The following PTER variants were observed in gnomAD, a reference collection of about 807,000 sequenced individuals.
PTER encodes the protein N-acetyltaurine hydrolase.
PTER carries 38 observed loss-of-function variants against 29.6 expected under a neutral mutation model. The observed-to-expected ratio is 1.28, with a 90% CI of 0.99 to 1.68. The LOEUF is 1.68. PTER is among the 40% of genes most tolerant of loss of function. The pLI is 0.00. For synonymous variants in PTER, 172 were observed against 154.5 expected, an observed-to-expected ratio of 1.11 and a Z score of -0.84; for missense variants, 482 against 427.8, an observed-to-expected ratio of 1.13 and a Z score of -1.12.
intron 3 of PTER, among the ~76,000 whole-genome samples, chr10:16,503,033 C>G (rs934629583): frequency 1.5e-5 from 2 of 131,496 alleles, no homozygotes; most frequent in African/African-American, 5.8e-5. Flanking sequence ...CTTCTGACCT[C>G]TTAGAAGTAG....
intron 1 of PTER, among the ~76,000 whole-genome samples, chr10:16,454,459 C>T (rs937296990): frequency 6.6e-6 from 1 of 151,782 alleles, no homozygotes; most frequent in African/African-American, 2.4e-5. Context: ...ACCTGTAATC[C>T]CAGATACTTA....
intron 1 of PTER, among the ~76,000 whole-genome samples, chr10:16,462,827 T>G (rs1834666578): frequency 6.7e-6 from 1 of 149,168 alleles, no homozygotes; most frequent in Admixed American, 6.7e-5. Flanking sequence ...CGCCTCAGCC[T>G]CCCAAAGTGC....
chr10:16,458,699 C>T (rs1469018038), intron 1 of PTER, among the ~76,000 whole-genome samples: 3 of 152,148 alleles, frequency 2.0e-5, no homozygotes, highest in Admixed American at 1.3e-4. Flanking sequence ...CCATTTGCAA[C>T]TCTGCCCTTT....
intron 1 of PTER, among the ~76,000 whole-genome samples, chr10:16,456,862 T>TGGCG (rs1554787512): frequency 1.8e-5 from 2 of 113,598 alleles, no homozygotes; most frequent in Middle Eastern, 4.8e-3. Flanking sequence ...ATGGGGAAGG[T>TGGCG]GGGGGGGGGT....
chr10:16,442,150 A>C (rs1833871367), intron 1 of PTER, among the ~76,000 whole-genome samples: 1 of 152,224 alleles, frequency 6.6e-6, no homozygotes, highest in Non-Finnish European at 1.5e-5. Flanking sequence ...TGCGACCACA[A>C]AATCCTTGGT....
At chr10:16,500,886 G>A (rs1253822654) in intron 3 of PTER, among the ~76,000 whole-genome samples, 3 of 151,822 alleles carry the variant, frequency 2.0e-5, no homozygotes, top group African/African-American at 4.8e-5. Flanking sequence ...GACCACAGGC[G>A]TGAGCCACCA....
intron 4 of PTER, among the ~76,000 whole-genome samples, chr10:16,509,184 A>G (rs1430945400): frequency 6.6e-6 from 1 of 152,140 alleles, no homozygotes; most frequent in Non-Finnish European, 1.5e-5. Flanking sequence ...CTGTTCTTCC[A>G]TATAATGGCA....
intron 3 of PTER, among the ~76,000 whole-genome samples, chr10:16,491,009 AT>A (rs924593671): frequency 8.4e-4 from 127 of 151,848 alleles, no homozygotes; most frequent in African/African-American, 1.3e-3. Flanking sequence ...ACACATATGT[AT>A]TTTTTTTCTG....
chr10:16,483,400 C>T (rs1350164037), intron 1 of PTER, among the ~76,000 whole-genome samples: 2 of 152,116 alleles, frequency 1.3e-5, no homozygotes, highest in African/African-American at 2.4e-5. Flanking sequence ...ATTATTCAAC[C>T]GAGTGTGCTC....
At position 16,473,258 on chromosome 10, in the gene PTER, C is replaced by T. The variant is rs373963747; in HGVS notation, c.-48-11079C>T. Among the ~76,000 whole-genome samples, 15 of 152,074 alleles carry T rather than the reference C, an allele frequency of 9.9e-5. No individual in the cohort carries two copies. In the East Asian group the frequency reaches 1.7e-3, roughly 18 times the overall value. ...TCTGCCCACCCCACCTCTAACCTGA[C>T]GAAGCCCCTGATGAAGTCAAAGGAA... On this transcript the variant is annotated intron_variant, in intron 1 of 4. Coordinates refer to ENST00000535784, the MANE Select transcript of PTER (RefSeq NM_001261836.2).
At chr10:16,481,660 A>G (rs1835484909) in intron 1 of PTER, among the ~76,000 whole-genome samples, 1 of 151,736 alleles carries the variant, frequency 6.6e-6, no homozygotes, top group South Asian at 2.1e-4. Context: ...TTTTTTTTTC[A>G]GAAAGACTCA....
At chr10:16,453,619 C>A (rs1834291174) in intron 1 of PTER, among the ~76,000 whole-genome samples, 2 of 152,152 alleles carry the variant, frequency 1.3e-5, no homozygotes, top group South Asian at 2.1e-4. Context: ...TAGTAATAAT[C>A]TGTTGTTTAT....
Position 16,512,212 on chromosome 10 carries a change from C to G in PTER, c.*956C>G, listed in dbSNP as rs1316720119. On this transcript the variant is annotated 3_prime_UTR_variant, in exon 5 of 5. Transcript: ENST00000535784. The stretch of plus-strand genomic sequence containing the variant: ...AATGACAGCCCGATACTTGAGCCTC[C>G]TCTTTAAAAGGTATCCAGCCCTGAT... 1.3e-5 allele frequency: 2 copies of G among 152,202 alleles called. No homozygotes were observed. Among genetic ancestry groups the G allele is most frequent in the South Asian group, 4.2e-4 (2 of 4,816 alleles). The allele number at this position is 152,202 out of a possible 1,614,324, so 9.4% of individuals were successfully genotyped here. A position where few individuals can be genotyped will look rare whatever the true frequency, so the allele number is the denominator to read the frequency against.
At chr10:16,491,614 C>A (rs1835901429) in intron 3 of PTER, among the ~76,000 whole-genome samples, 1 of 152,076 alleles carries the variant, frequency 6.6e-6, no homozygotes, top group Admixed American at 6.6e-5. Context: ...AAAACCAAGA[C>A]AAAATGGCAA....
intron 1 of PTER, among the ~76,000 whole-genome samples, chr10:16,465,140 G>A (rs1458972260): frequency 6.6e-6 from 1 of 152,088 alleles, no homozygotes; most frequent in Non-Finnish European, 1.5e-5. Flanking sequence ...TGGGGACACA[G>A]CCAAACCATA....
At chr10:16,502,243 C>T (rs2133495786) in intron 3 of PTER, among the ~76,000 whole-genome samples, 1 of 152,342 alleles carries the variant, frequency 6.6e-6, no homozygotes, top group Admixed American at 6.5e-5. Flanking sequence ...ATAATTAACA[C>T]ACTGAATTTA....
downstream of PTER, among the ~76,000 whole-genome samples, chr10:16,518,042 T>C (rs866611873): frequency 1.4e-4 from 21 of 152,210 alleles, no homozygotes; most frequent in African/African-American, 4.3e-4. Flanking sequence ...ACTTAATCCA[T>C]AGAACATTAC....
chr10:16,490,732 AT>A (rs1835869797), intron 3 of PTER, among the ~76,000 whole-genome samples: 1 of 150,478 alleles, frequency 6.6e-6, no homozygotes, highest in Middle Eastern at 3.2e-3. Context: ...CTGGCTCAAG[AT>A]GATTCGTAAA....
chr10:16,454,150 C>T (rs1264177037), intron 1 of PTER, among the ~76,000 whole-genome samples: 1 of 152,200 alleles, frequency 6.6e-6, no homozygotes, highest in Non-Finnish European at 1.5e-5. Context: ...ATAGCATCCA[C>T]TTTTATTTTA....
Sources: gnomAD v4.1 joint callset for allele counts (sites outside exome capture counted in the v4.1 genomes callset) on GRCh38, gnomAD v4.1.1 for gene constraint, MANE v1.5 for transcripts, NCBI Gene and HGNC (gene_info 2026-07-23, HGNC 2026-07-21) for gene names.